The following RAB36 variants were observed in gnomAD, a reference collection of about 807,000 sequenced individuals.
The protein encoded by RAB36 is ras-related protein Rab-36.
In RAB36, 33 loss-of-function variants were observed where a neutral mutation model predicts 39.3. The observed-to-expected ratio is 0.84, with a 90% CI of 0.64 to 1.12. RAB36 has a LOEUF of 1.12. RAB36 is among the 50% of genes most tolerant of loss of function. The pLI is 0.00. For missense variants in RAB36, 308 were observed against 355.3 expected (o/e 0.87, Z 1.07); for synonymous variants, 133 against 140.2 (o/e 0.95, Z 0.36).
chr22:23,151,369 G>C lies in RAB36; in HGVS notation c.162-1092G>C, dbSNP rs146617043. Among the ~76,000 whole-genome samples the C allele has an allele frequency of 1.1e-3, 171 of 152,294 alleles. 3 individuals are homozygous for C. The East Asian group carries it at 0.032, about 28-fold the overall frequency. ...TCAACACCTTTACTCATTCATAGGA[G>C]AAATGGAGTCAGAACGAAAGGGCCC... On this transcript the variant is annotated intron_variant, in intron 3 of 10. Coordinates refer to ENST00000263116, the MANE Select transcript of RAB36 (RefSeq NM_004914.5).
intron 5 of RAB36, among the ~76,000 whole-genome samples, 178 bp from the exon 6 acceptor site, chr22:23,155,790 A>AG (rs879624587): frequency 3.9e-5 from 6 of 152,172 alleles, no homozygotes; most frequent in Non-Finnish European, 5.9e-5. Flanking sequence ...CACCCTAGGA[A>AG]GAGATCATAA....
Position 23,153,053 on chromosome 22 carries a change from A to G in RAB36, c.248A>G (p.Asp83Gly). 1.9e-6 allele frequency: 3 copies of G among 1,614,000 alleles called. No homozygotes were observed. Residue 83 changes from aspartate (D) to glycine (G), a missense_variant, in exon 5 of 11, where the codon GAT (aspartate) becomes GGT (glycine). By Grantham distance (94) the Asp-to-Gly change is moderately conservative. Coordinates refer to ENST00000263116, the MANE Select transcript of RAB36 (RefSeq NM_004914.5). ...LIHRFCKNVFDRDYKATIGVD... is the reference protein window; with the variant it reads ...LIHRFCKNVFGRDYKATIGVD... ...CACAGGTTTTGCAAGAATGTTTTTGATCGAGACTACAAGGCCACCATTGGG... is the reference window on the plus strand; with the variant it reads ...CACAGGTTTTGCAAGAATGTTTTTGGTCGAGACTACAAGGCCACCATTGGG...
chr22:23,166,028 C>A (rs546328654), downstream of RAB36, among the ~76,000 whole-genome samples: 3 of 151,732 alleles, frequency 2.0e-5, no homozygotes, highest in Admixed American at 1.3e-4. Flanking sequence ...CACCTGTAGT[C>A]CCAGCTACTT....
downstream of RAB36, among the ~76,000 whole-genome samples, chr22:23,167,459 C>T (rs2072070629): frequency 6.6e-6 from 1 of 152,184 alleles, no homozygotes; most frequent in Non-Finnish European, 1.5e-5. Context: ...TGCCTGCCTC[C>T]CCCTCCTCCC....
intron 6 of RAB36, among the ~76,000 whole-genome samples, chr22:23,157,030 A>T (rs2146563829): frequency 6.6e-6 from 1 of 152,300 alleles, no homozygotes; most frequent in South Asian, 2.1e-4. Flanking sequence ...CCCTGGGGGC[A>T]GTAGAGAGCA....
intron 2 of RAB36, among the ~76,000 whole-genome samples, chr22:23,147,559 CT>C (rs2070862928): frequency 6.6e-6 from 1 of 152,106 alleles, no homozygotes; most frequent in Admixed American, 6.6e-5. Flanking sequence ...TCTTGAACCC[CT>C]GGCCTCAAGC....
At chr22:23,153,534 G>C (rs2071282489) in intron 5 of RAB36, 1 of 981,056 alleles carries the variant, frequency 1.0e-6, no homozygotes, top group African/African-American at 1.8e-5. Context: ...CCTGTAAAAT[G>C]GGGTCAAATC....
rs115006916 is a variant in RAB36 at position 23,160,895 on chromosome 22, A to T, written c.636A>T (p.Ala212=). 3.3e-4 allele frequency: 532 copies of T among 1,613,758 alleles called. 3 individuals carry two copies. The African/African-American group carries it at 6.6e-3, about 20-fold the overall frequency. ...GGCCCACAGGCGAGAACGTGAAGGC[A>T]TTCTTCAGCCGCGTAGCCGCCCTGG... The part of the protein sequence containing the change: ...VSAKTGENVK[A]FFSRVAALAF... Residue 212 remains alanine, a synonymous_variant, in exon 10 of 11, where the codon GCA becomes GCT. Transcript: ENST00000263116.
chr22:23,149,951 C>T, intron 2 of RAB36, 112 bp from the exon 3 acceptor site: 1 of 814,162 alleles, frequency 1.2e-6, no homozygotes. Flanking sequence ...AGGCTGCCAG[C>T]TGTGAGGCCT....
chr22:23,161,038 T>C (rs2071755426), intron 10 of RAB36, 40 bp downstream of exon 10: 3 of 1,559,628 alleles, frequency 1.9e-6, no homozygotes, highest in South Asian at 1.2e-5. Context: ...GGGAGTAGGC[T>C]GGAGGCCTAA....
chr22:23,164,676 C>T lies in RAB36; in HGVS notation c.*3112C>T, dbSNP rs1175406565. 6.6e-6 allele frequency among the ~76,000 whole-genome samples: 1 copy of T among 152,208 alleles called. No individual in the cohort carries two copies. Among genetic ancestry groups the T allele is most frequent in the Non-Finnish European group, 1.5e-5 (1 of 68,048 alleles). ...CCCTGCAGCCAAGGTGCGGCAATGA[C>T]CACAGTGACCGCGTCCAAGTGCTGC... On this transcript the variant is annotated 3_prime_UTR_variant, in exon 11 of 11. Coordinates refer to ENST00000263116, the MANE Select transcript of RAB36 (RefSeq NM_004914.5).
At chr22:23,165,666 CTA>C (rs768469330), downstream of RAB36, among the ~76,000 whole-genome samples, 4 of 152,216 alleles carry the variant, frequency 2.6e-5, no homozygotes, top group African/African-American at 4.8e-5. Context: ...TCTCATGATT[CTA>C]TGATTTGACC....
At chr22:23,148,642 T>C (rs2070937266) in intron 2 of RAB36, among the ~76,000 whole-genome samples, 1 of 152,182 alleles carries the variant, frequency 6.6e-6, no homozygotes, top group Non-Finnish European at 1.5e-5. Flanking sequence ...CCTGAGAAAT[T>C]CAGTCAGGTT....
intron 5 of RAB36, among the ~76,000 whole-genome samples, chr22:23,154,498 G>C (rs949571205): frequency 1.1e-4 from 17 of 152,240 alleles, no homozygotes; most frequent in Admixed American, 9.8e-4. Context: ...AGAGAACGCA[G>C]GGCTGCAGGA....
chr22:23,146,766 G>A (rs1044553395), intron 2 of RAB36, 81 bp downstream of exon 2: 1 of 1,545,708 alleles, frequency 6.5e-7, no homozygotes, highest in Non-Finnish European at 8.7e-7. Context: ...ATGCCTAGAA[G>A]TAAAGCAGGT....
Position 23,153,197 on chromosome 22 carries a change from G to A in RAB36, c.329+63G>A, listed in dbSNP as rs1031091320. Reference sequence around the variant, plus strand: ...CCTACAGGCACCTGAGAAAGGATTTGGGGAGCTCCTTCACTGTGTCCATGT... The same window carrying A: ...CCTACAGGCACCTGAGAAAGGATTTAGGGAGCTCCTTCACTGTGTCCATGT... On this transcript the variant is annotated intron_variant, in intron 5 of 10. Coordinates refer to ENST00000263116, the MANE Select transcript of RAB36 (RefSeq NM_004914.5). 6 of 1,249,660 alleles carry A rather than the reference G, an allele frequency of 4.8e-6. No homozygotes were observed. In the African/African-American group the frequency reaches 5.9e-5, roughly 12 times the overall value. 77.4% of individuals were successfully genotyped at this position (1,249,660 alleles called of 1,614,324 possible). A position where few individuals can be genotyped will look rare whatever the true frequency, so the allele number is the denominator to read the frequency against.
chr22:23,166,903 A>T (rs1408177726), downstream of RAB36, among the ~76,000 whole-genome samples: 1 of 152,110 alleles, frequency 6.6e-6, no homozygotes, highest in Non-Finnish European at 1.5e-5. Context: ...GAGTAGCAAG[A>T]GGCCACATTT....
rs1371041606 is a variant in RAB36 at position 23,164,113 on chromosome 22, G to A, written c.*2549G>A. On this transcript the variant is annotated 3_prime_UTR_variant, in exon 11 of 11. Coordinates refer to ENST00000263116, the MANE Select transcript of RAB36 (RefSeq NM_004914.5). ...CTGTGGTCGGGCAGACAGCATTGGG[G>A]TCCATTAGGAAGACCAGGTTTGCTG... 1 of 152,256 alleles carries A rather than the reference G, an allele frequency of 6.6e-6. No individual in the cohort carries two copies. Among genetic ancestry groups the A allele is most frequent in the African/African-American group, 2.4e-5 (1 of 41,464 alleles). 9.4% of individuals were successfully genotyped at this position (152,256 alleles called of 1,614,324 possible). A position where few individuals can be genotyped will look rare whatever the true frequency, so the allele number is the denominator to read the frequency against.
intron 7 of RAB36, 100 bp downstream of exon 7, chr22:23,158,143 G>C: frequency 6.4e-7 from 1 of 1,553,194 alleles, no homozygotes. Context: ...CCCGTGGTGG[G>C]TGTGAGTGAC....
Sources: allele counts gnomAD v4.1 joint callset (sites outside exome capture counted in the v4.1 genomes callset), GRCh38; gene constraint gnomAD v4.1.1; transcripts MANE v1.5; gene names NCBI Gene and HGNC (gene_info 2026-07-23, HGNC 2026-07-21).